PLB1: variants seen among roughly 807,000 people sequenced by gnomAD.
PLB1 encodes the protein phospholipase B1, membrane-associated.
PLB1 carries 242 observed loss-of-function variants against 227.4 expected under a neutral mutation model. That is an observed-to-expected ratio of 1.06 (90% CI 0.96 to 1.18). The LOEUF is 1.18. Among genes scored for constraint, PLB1 ranks in the 50% most tolerant of loss-of-function variants. PLB1 has a pLI of 0.00. For synonymous variants in PLB1, 757 were observed against 682.2 expected, an observed-to-expected ratio of 1.11 and a Z score of -1.71; for missense variants, 1,858 against 1,816.3, an observed-to-expected ratio of 1.02 and a Z score of -0.42.
At chr2:28,520,537 G>A (rs1454738608) in intron 4 of PLB1, among the ~76,000 whole-genome samples, 1 of 152,150 alleles carries the variant, frequency 6.6e-6, no homozygotes, top group Admixed American at 6.5e-5. Flanking sequence ...ACGTTATTGT[G>A]CAACTGATCT....
chr2:28,524,676 A>G (rs1198465277), intron 4 of PLB1, among the ~76,000 whole-genome samples: 2 of 152,038 alleles, frequency 1.3e-5, no homozygotes, highest in African/African-American at 4.8e-5. Context: ...ATTTGTTTCT[A>G]TGGAGAAAGT....
chr2:28,577,962 C>T, intron 21 of PLB1, 145 bp from the exon 22 acceptor site: 1 of 774,960 alleles, frequency 1.3e-6, no homozygotes. Context: ...GGGGAAGAAG[C>T]TCTGCGACAC....
At chr2:28,589,321 A>AT in intron 26 of PLB1, 129 bp from the exon 27 acceptor site, 1 of 687,348 alleles carries the variant, frequency 1.5e-6, no homozygotes, top group Non-Finnish European at 2.5e-6. Context: ...CTCAGTTGAG[A>AT]TTTTGCACCA....
intron 1 of PLB1, among the ~76,000 whole-genome samples, chr2:28,503,715 C>T (rs1366540106): frequency 2.6e-5 from 4 of 152,130 alleles, no homozygotes; most frequent in East Asian, 1.9e-4. Flanking sequence ...TTTCTGTATG[C>T]GCAGTCTGGA....
intron 17 of PLB1, among the ~76,000 whole-genome samples, chr2:28,561,076 C>G (rs1338351492): frequency 6.6e-6 from 1 of 152,250 alleles, no homozygotes; most frequent in Non-Finnish European, 1.5e-5. Flanking sequence ...TCAGGCCCCC[C>G]AGGGGAAGAT....
chr2:28,534,058 A>G (rs1194425580), intron 9 of PLB1, among the ~76,000 whole-genome samples: 2 of 152,224 alleles, frequency 1.3e-5, no homozygotes, highest in East Asian at 3.8e-4. Context: ...GCTTGTATGT[A>G]TGAGAGAGAT....
At chr2:28,620,182 G>T in intron 46 of PLB1, 83 bp from the exon 47 acceptor site, 1 of 925,168 alleles carries the variant, frequency 1.1e-6, no homozygotes, top group Non-Finnish European at 1.6e-6. Context: ...CCAGGTCCTA[G>T]CTGCTACCCC....
At chr2:28,629,225 G>T in intron 53 of PLB1, 40 bp downstream of exon 53, 1 of 1,585,488 alleles carries the variant, frequency 6.3e-7, no homozygotes, top group South Asian at 1.1e-5. Context: ...AGGGCACCTG[G>T]GGTGAGGAGG....
At chr2:28,553,960 C>T (rs1272528534) in intron 17 of PLB1, among the ~76,000 whole-genome samples, 3 of 152,138 alleles carry the variant, frequency 2.0e-5, no homozygotes, top group Non-Finnish European at 4.4e-5. Context: ...CTTGGCTGCC[C>T]TTCACACATG....
At position 28,585,850 on chromosome 2, in the gene PLB1, G is replaced by A. The variant is rs369293010; in HGVS notation, c.1815+8G>A. 56 of 1,591,770 alleles carry A rather than the reference G, an allele frequency of 3.5e-5. No individual in the cohort carries two copies. Among genetic ancestry groups the A allele is most frequent in the Admixed American group, 1.5e-4 (9 of 59,976 alleles). On this transcript the variant is annotated splice_region_variant and intron_variant, in intron 26 of 57. Coordinates refer to ENST00000327757, the MANE Select transcript of PLB1 (RefSeq NM_153021.5). ...TTCAACAAGAAGTTTCAGGTAAGCCGGGAAGGGGTTCTAAGACTTCCCAGA... is the reference window on the plus strand; with the variant it reads ...TTCAACAAGAAGTTTCAGGTAAGCCAGGAAGGGGTTCTAAGACTTCCCAGA...
intron 35 of PLB1, among the ~76,000 whole-genome samples, chr2:28,600,173 G>A (rs1683643356): frequency 6.6e-6 from 1 of 152,134 alleles, no homozygotes; most frequent in Non-Finnish European, 1.5e-5. Context: ...GCCTCCCAAA[G>A]TGCTGGGATT....
chr2:28,530,220 C>A (rs1190459249), intron 8 of PLB1, among the ~76,000 whole-genome samples: 1 of 152,192 alleles, frequency 6.6e-6, no homozygotes, highest in African/African-American at 2.4e-5. Context: ...AGCAGATGGA[C>A]TAAATGACTT....
chr2:28,639,627 G>A (rs1467162507), intron 56 of PLB1, among the ~76,000 whole-genome samples: 1 of 152,212 alleles, frequency 6.6e-6, no homozygotes, highest in African/African-American at 2.4e-5. Context: ...AGAAACTGAT[G>A]CACTCATCAA....
chr2:28,629,392 T>C (rs1688285574), intron 53 of PLB1, among the ~76,000 whole-genome samples: 2 of 152,182 alleles, frequency 1.3e-5, no homozygotes, highest in Non-Finnish European at 2.9e-5. Flanking sequence ...GGACCCCCTT[T>C]TGCTTTTCTG....
At position 28,569,906 on chromosome 2, in the gene PLB1, C is replaced by A. The variant is rs534124312; in HGVS notation, c.1324+3067C>A. ...GCATGAACCCTGGAGGCAGAGCTTG[C>A]AGTGAGCCGAGATCACGCCATTGCA... On this transcript the variant is annotated intron_variant, in intron 20 of 57. Transcript: ENST00000327757. 3.4e-5 allele frequency among the ~76,000 whole-genome samples: 5 copies of A among 145,720 alleles called. No homozygotes were observed. The South Asian group carries it at 1.1e-3, about 31-fold the overall frequency.
intron 21 of PLB1, among the ~76,000 whole-genome samples, chr2:28,577,131 C>T (rs945544126): frequency 1.3e-5 from 2 of 152,156 alleles, no homozygotes; most frequent in Non-Finnish European, 2.9e-5. Flanking sequence ...GCTCATTTCC[C>T]AAAGGGAAAA....
At chr2:28,574,336 A>AC (rs141787580) in intron 21 of PLB1, among the ~76,000 whole-genome samples, 24,493 of 70,194 alleles carry the variant, frequency 0.35, 4,664 homozygotes, top group African/African-American at 0.53. Flanking sequence ...TTAATCCCTC[A>AC]CCCCCCCCAC....
chr2:28,531,287 ATGT>A (rs914418548), intron 8 of PLB1, among the ~76,000 whole-genome samples: 2 of 151,948 alleles, frequency 1.3e-5, no homozygotes, highest in Non-Finnish European at 2.9e-5. Flanking sequence ...CTGGATAAAG[ATGT>A]TGTTTTTTGT....
chr2:28,529,555 T>A, intron 7 of PLB1, 148 bp downstream of exon 7: 1 of 946,968 alleles, frequency 1.1e-6, no homozygotes, highest in South Asian at 1.6e-5. Context: ...TCAAGCTGAT[T>A]TCAGGCTGCC....
Sources: allele counts gnomAD v4.1 joint callset (sites outside exome capture counted in the v4.1 genomes callset), GRCh38; gene constraint gnomAD v4.1.1; transcripts MANE v1.5; gene names NCBI Gene and HGNC (gene_info 2026-07-23, HGNC 2026-07-21).